Variants in CNTNAP5 observed in about 807,000 individuals in gnomAD.
The protein encoded by CNTNAP5 is contactin associated protein family member 5.
A neutral mutation model predicts 150.2 loss-of-function variants in CNTNAP5; 72 were observed. The observed-to-expected ratio is 0.48, with a 90% CI of 0.40 to 0.58. CNTNAP5 has a LOEUF of 0.58. Among genes scored for constraint, CNTNAP5 ranks in the 20% least tolerant of loss-of-function variants. The probability of loss-of-function intolerance (pLI) is 0.00; values close to 1 mark genes in which losing one functional copy is unlikely to be tolerated. For missense variants in CNTNAP5, 1,636 were observed against 1,626.2 expected, an observed-to-expected ratio of 1.01 and a Z score of -0.10; for synonymous variants, 672 against 619.8, an observed-to-expected ratio of 1.08 and a Z score of -1.25.
chr2:124,441,906 G>A (rs1267120437), intron 5 of CNTNAP5, among the ~76,000 whole-genome samples: 3 of 151,138 alleles, frequency 2.0e-5, no homozygotes, highest in African/African-American at 7.3e-5. Context: ...TGTAAACAAG[G>A]AGCAATGCTA....
intron 2 of CNTNAP5, among the ~76,000 whole-genome samples, chr2:124,227,420 C>T (rs1686487384): frequency 6.6e-6 from 1 of 152,238 alleles, no homozygotes; most frequent in South Asian, 2.1e-4. Context: ...CACACACTCC[C>T]TCTCTCCCTC....
intron 3 of CNTNAP5, among the ~76,000 whole-genome samples, chr2:124,269,139 A>G (rs1687682736): frequency 6.6e-6 from 1 of 152,130 alleles, no homozygotes; most frequent in South Asian, 2.1e-4. Flanking sequence ...AATCAAGATC[A>G]TGGGACTCCA....
intron 7 of CNTNAP5, among the ~76,000 whole-genome samples, chr2:124,495,684 A>G (rs1694126627): frequency 6.6e-6 from 1 of 152,250 alleles, no homozygotes; most frequent in Non-Finnish European, 1.5e-5. Flanking sequence ...CTTTGGCAGA[A>G]GCAGAATGTT....
At chr2:124,080,518 T>A (rs1378470847) in intron 1 of CNTNAP5, among the ~76,000 whole-genome samples, 2 of 152,216 alleles carry the variant, frequency 1.3e-5, no homozygotes, top group African/African-American at 4.8e-5. Context: ...GTGTTCTGTT[T>A]ATGTAATCTA....
intron 7 of CNTNAP5, among the ~76,000 whole-genome samples, chr2:124,484,556 A>G (rs779772510): frequency 1.1e-4 from 16 of 152,184 alleles, no homozygotes; most frequent in Non-Finnish European, 2.4e-4. Flanking sequence ...GACTCCTAGG[A>G]TATTATAGGC....
chr2:124,377,909 T>C (rs2104734393), intron 3 of CNTNAP5, among the ~76,000 whole-genome samples: 1 of 152,130 alleles, frequency 6.6e-6, no homozygotes, highest in African/African-American at 2.4e-5. Context: ...TAAGAACAAT[T>C]TTGATTCAAG....
In CNTNAP5 at chr2:124,713,338, T is replaced by C. The variant is rs573309209; in HGVS notation, c.2078-33891T>C. ...TCTTTCCTTTCTTTCTTTCTTTCTT[T>C]CTTTCTTTCTTTCTTTCTTTCTTTC... On this transcript the variant is annotated intron_variant, in intron 13 of 23. Coordinates refer to ENST00000682447, the MANE Select transcript of CNTNAP5 (RefSeq NM_001367498.1). Among the ~76,000 whole-genome samples the C allele has an allele frequency of 4.1e-5, 5 of 122,100 alleles. No individual in the cohort carries two copies. The South Asian group carries it at 8.7e-4, about 21-fold the overall frequency. The allele number at this position is 122,100 out of a possible 152,430, so 80.1% of individuals were successfully genotyped here. A position where few individuals can be genotyped will look rare whatever the true frequency, so the allele number is the denominator to read the frequency against.
intron 13 of CNTNAP5, among the ~76,000 whole-genome samples, chr2:124,696,860 A>G (rs1679416335): frequency 6.6e-6 from 1 of 152,218 alleles, no homozygotes; most frequent in Non-Finnish European, 1.5e-5. Context: ...ATTTGGTTCA[A>G]TAAAGCAGAT....
In CNTNAP5 at chr2:124,102,937, C is replaced by T. The variant is rs920197898; in HGVS notation, c.82+77205C>T. On this transcript the variant is annotated intron_variant, in intron 1 of 23. Coordinates refer to ENST00000682447, the MANE Select transcript of CNTNAP5 (RefSeq NM_001367498.1). ...ATATAAGAAATTTTCAAGTGTCTTT[C>T]ATCTGAAATACCTGAATATCTAAAC... is the stretch of plus-strand genomic sequence containing the variant. Among the ~76,000 whole-genome samples the T allele has an allele frequency of 1.3e-4, 20 of 152,268 alleles. No individual in the cohort carries two copies. The East Asian group carries it at 3.9e-3, about 29-fold the overall frequency.
chr2:124,279,597 T>TA (rs747090436), intron 3 of CNTNAP5, among the ~76,000 whole-genome samples: 1 of 152,250 alleles, frequency 6.6e-6, no homozygotes, highest in East Asian at 1.9e-4. Flanking sequence ...TTCTGATAAG[T>TA]AAAGTTAGTT....
At chr2:124,775,911 T>C (rs924907579) in intron 17 of CNTNAP5, among the ~76,000 whole-genome samples, 5 of 151,994 alleles carry the variant, frequency 3.3e-5, no homozygotes, top group African/African-American at 1.2e-4. Context: ...GCAAGAAAAA[T>C]CGAAGATCCA....
At chr2:124,329,848 G>A (rs1161937968) in intron 3 of CNTNAP5, among the ~76,000 whole-genome samples, 1 of 152,128 alleles carries the variant, frequency 6.6e-6, no homozygotes, top group East Asian at 1.9e-4. Context: ...AATGGTTAAT[G>A]TTTGGTGTAG....
chr2:124,473,068 T>C (rs985789193), intron 6 of CNTNAP5, among the ~76,000 whole-genome samples: 1 of 151,988 alleles, frequency 6.6e-6, no homozygotes, highest in African/African-American at 2.4e-5. Flanking sequence ...AGCAATAAGA[T>C]GAGCACAGCA....
chr2:124,068,197 G>A (rs977969710), intron 1 of CNTNAP5, among the ~76,000 whole-genome samples: 1 of 152,140 alleles, frequency 6.6e-6, no homozygotes, highest in Non-Finnish European at 1.5e-5. Context: ...AAGAGACTAG[G>A]AGAGTCAGTC....
At chr2:124,172,444 A>C (rs1338436653) in intron 1 of CNTNAP5, among the ~76,000 whole-genome samples, 1 of 151,814 alleles carries the variant, frequency 6.6e-6, no homozygotes, top group Non-Finnish European at 1.5e-5. Flanking sequence ...ACATGGCCTC[A>C]CTCTATCACC....
chr2:124,360,895 G>A lies in CNTNAP5; in HGVS notation c.382-56548G>A, dbSNP rs1346931926. On this transcript the variant is annotated intron_variant, in intron 3 of 23. Transcript: ENST00000682447. Reference sequence around the variant, plus strand: ...GGGAAGTTCTCCTGGATAATATCCTGCAGAGTGTTTTCCAACTTGGTTCCC... The same window carrying A: ...GGGAAGTTCTCCTGGATAATATCCTACAGAGTGTTTTCCAACTTGGTTCCC... Among the ~76,000 whole-genome samples, 62 of 144,270 alleles carry A rather than the reference G, an allele frequency of 4.3e-4. 1 individual carries two copies. In the South Asian group the frequency reaches 0.014, roughly 32 times the overall value. The allele number at this position is 144,270 out of a possible 152,430, so 94.6% of individuals were successfully genotyped here. A position where few individuals can be genotyped will look rare whatever the true frequency, so the allele number is the denominator to read the frequency against.
chr2:124,312,923 T>C (rs1024087388), intron 3 of CNTNAP5, among the ~76,000 whole-genome samples: 1 of 152,222 alleles, frequency 6.6e-6, no homozygotes, highest in Non-Finnish European at 1.5e-5. Context: ...CAGGCTGGTC[T>C]CGAACTCCTG....
At chr2:124,909,601 C>G (rs188740430) in intron 22 of CNTNAP5, among the ~76,000 whole-genome samples, 106 of 151,754 alleles carry the variant, frequency 7.0e-4, no homozygotes, top group African/African-American at 2.1e-3. Context: ...GATCTAATAA[C>G]TAAATATTTT....
intron 1 of CNTNAP5, among the ~76,000 whole-genome samples, chr2:124,026,692 T>C (rs1200257011): frequency 6.6e-6 from 1 of 152,246 alleles, no homozygotes; most frequent in Non-Finnish European, 1.5e-5. Flanking sequence ...TCAAGGTCCC[T>C]CAAGTTTCTG....
Sources: gnomAD v4.1 joint callset for allele counts (sites outside exome capture counted in the v4.1 genomes callset) on GRCh38, gnomAD v4.1.1 for gene constraint, MANE v1.5 for transcripts, NCBI Gene and HGNC (gene_info 2026-07-23, HGNC 2026-07-21) for gene names.